The following ACTL6A variants were observed in gnomAD, a reference collection of about 807,000 sequenced individuals.
The protein encoded by ACTL6A is actin like 6A, also known as actin-like protein 6A.
ACTL6A carries 5 observed loss-of-function variants against 59.2 expected under a neutral mutation model. The ratio of observed to expected loss-of-function variants is 0.08; its 90% CI spans 0.04 to 0.18. ACTL6A has a LOEUF of 0.18. Among genes scored for constraint, ACTL6A ranks in the 10% least tolerant of loss-of-function variants. The probability of loss-of-function intolerance (pLI) is 1.00; values close to 1 mark genes in which losing one functional copy is unlikely to be tolerated. For missense variants in ACTL6A, 285 were observed against 526.9 expected, an observed-to-expected ratio of 0.54 and a Z score of 4.49; for synonymous variants, 154 against 171.8, an observed-to-expected ratio of 0.90 and a Z score of 0.81.
chr3:179,577,816 C>CTTT (rs539879595), intron 8 of ACTL6A, among the ~76,000 whole-genome samples: 1 of 137,944 alleles, frequency 7.2e-6, no homozygotes, highest in Non-Finnish European at 1.6e-5. Flanking sequence ...TGATCTCATT[C>CTTT]TTTTTTTTTT....
intron 13 of ACTL6A, among the ~76,000 whole-genome samples, chr3:179,587,194 A>G (rs1443560424): frequency 2.0e-5 from 3 of 151,874 alleles, no homozygotes; most frequent in African/African-American, 7.3e-5. Flanking sequence ...ATATATAGTT[A>G]CTTATGTATA....
At chr3:179,578,954 A>G (rs1718251680) in intron 8 of ACTL6A, among the ~76,000 whole-genome samples, 1 of 152,120 alleles carries the variant, frequency 6.6e-6, no homozygotes, top group African/African-American at 2.4e-5. Context: ...TTAGTTGGCC[A>G]GGCTGGTCTC....
At chr3:179,577,320 T>C (rs1013377758) in intron 8 of ACTL6A, among the ~76,000 whole-genome samples, 23 of 152,232 alleles carry the variant, frequency 1.5e-4, no homozygotes, top group African/African-American at 5.1e-4. Flanking sequence ...ATGTTCTGTT[T>C]CCCAGCATCA....
intron 8 of ACTL6A, among the ~76,000 whole-genome samples, chr3:179,580,140 A>G (rs1718289748): frequency 6.6e-6 from 1 of 152,250 alleles, no homozygotes. Context: ...AGGAAAAATT[A>G]GGATGATTAG....
chr3:179,574,334 T>G, intron 4 of ACTL6A, 36 bp from the exon 5 acceptor site: 1 of 1,371,514 alleles, frequency 7.3e-7, no homozygotes, highest in Non-Finnish European at 1.0e-6. Flanking sequence ...TTTTTAATTC[T>G]TAATAACTTG....
Position 179,586,677 on chromosome 3 carries a change from A to T in ACTL6A, c.1209+45A>T, listed in dbSNP as rs139641098. On this transcript the variant is annotated intron_variant, in intron 13 of 13. Transcript: ENST00000429709. The stretch of plus-strand genomic sequence containing the variant: ...TGCAAAAATATTCTTACTGAATTAT[A>T]CTAAATTTAGTAAAAATACAAAAAA... The T allele has an allele frequency of 2.7e-3, 3,855 of 1,424,432 alleles. 17 individuals carry two copies. The highest frequency in any genetic ancestry group is 8.8e-3 in the Middle Eastern group (50 of 5,682). 88.2% of individuals were successfully genotyped at this position (1,424,432 alleles called of 1,614,324 possible). A position where few individuals can be genotyped will look rare whatever the true frequency, so the allele number is the denominator to read the frequency against.
At chr3:179,569,335 C>T (rs1371721341) in intron 1 of ACTL6A, among the ~76,000 whole-genome samples, 1 of 152,192 alleles carries the variant, frequency 6.6e-6, no homozygotes, top group African/African-American at 2.4e-5. Flanking sequence ...CATTATAGTA[C>T]TGGGGTACTG....
chr3:179,588,074 A>C lies in ACTL6A; in HGVS notation c.*64A>C. 8.1e-7 allele frequency: 1 copy of C among 1,232,354 alleles called. No individual in the cohort carries two copies. The highest frequency in any genetic ancestry group is 1.1e-6 in the Non-Finnish European group (1 of 889,812). 76.3% of individuals were successfully genotyped at this position (1,232,354 alleles called of 1,614,324 possible). Reference sequence around the variant, plus strand: ...TACGTTTCATAGCTTTAGTATACTCAGGAAAAGAATGACCATCTTTTGTAG... The same window carrying C: ...TACGTTTCATAGCTTTAGTATACTCCGGAAAAGAATGACCATCTTTTGTAG... On this transcript the variant is annotated 3_prime_UTR_variant, in exon 14 of 14. Coordinates refer to ENST00000429709, the MANE Select transcript of ACTL6A (RefSeq NM_004301.5).
chr3:179,573,401 G>T lies in ACTL6A; in HGVS notation c.310G>T (p.Asp104Tyr). 1.3e-6 allele frequency: 2 copies of T among 1,591,054 alleles called. No homozygotes were observed. Among genetic ancestry groups the T allele is most frequent in the East Asian group, 2.3e-5 (1 of 43,302 alleles). ...EDWDSFQAIL[D>Y]HTYKMHVKSE... ...CTGGGATAGTTTCCAAGCTATTTTG[G>T]ATCATACCTACAAAATGCATGTCAA... The change falls in exon 4 of 14, where the codon GAT becomes TAT. Residue 104 changes from aspartate (D) to tyrosine (Y), a missense_variant. Coordinates refer to ENST00000429709, the MANE Select transcript of ACTL6A (RefSeq NM_004301.5).
Position 179,587,564 on chromosome 3 carries a change from G to C in ACTL6A, c.1210-366G>C, listed in dbSNP as rs536178912. 4.6e-5 allele frequency among the ~76,000 whole-genome samples: 7 copies of C among 152,008 alleles called. No homozygotes were observed. In the South Asian group the frequency reaches 1.2e-3, roughly 27 times the overall value. ...CTTAAATGAATTATTCAAAGTTTAG[G>C]AGTTACGAAAATAAGATATTAAAAA... On this transcript the variant is annotated intron_variant, in intron 13 of 13. Transcript: ENST00000429709.
chr3:179,570,394 A>G lies in ACTL6A; in HGVS notation c.277+153A>G. ...ACTGATTTCCAGACACTGAGAATAC[A>G]AAGATGCATAAGAAATGTTCCTTTT... is the stretch of plus-strand genomic sequence containing the variant. On this transcript the variant is annotated intron_variant, in intron 3 of 13. Coordinates refer to ENST00000429709, the MANE Select transcript of ACTL6A (RefSeq NM_004301.5). The surrounding 1 kb of genome is among the most constrained non-coding windows in gnomAD (Gnocchi z 4.3). 1.5e-6 allele frequency: 1 copy of G among 653,280 alleles called. No individual in the cohort carries two copies. The highest frequency in any genetic ancestry group is 2.5e-6 in the Non-Finnish European group (1 of 404,910). The allele number at this position is 653,280 out of a possible 1,614,324, so 40.5% of individuals were successfully genotyped here.
intron 13 of ACTL6A, among the ~76,000 whole-genome samples, chr3:179,587,706 T>G (rs1481121207): frequency 6.6e-6 from 1 of 151,982 alleles, no homozygotes. Context: ...TGAGACCCCA[T>G]CTCTACAACA....
intron 11 of ACTL6A, 109 bp downstream of exon 11, chr3:179,581,329 T>A: frequency 1.1e-6 from 1 of 902,984 alleles, no homozygotes; most frequent in Non-Finnish European, 1.8e-6. Flanking sequence ...TGTCATTGAC[T>A]TTGAGGTTCA....
At chr3:179,565,690 A>G (rs1259638654) in intron 1 of ACTL6A, among the ~76,000 whole-genome samples, 1 of 152,074 alleles carries the variant, frequency 6.6e-6, no homozygotes, top group Non-Finnish European at 1.5e-5. Flanking sequence ...ATTACCCAGT[A>G]AGTTAGTGTA....
intron 12 of ACTL6A, 74 bp from the exon 13 acceptor site, chr3:179,586,466 TGAAAAA>T: frequency 4.4e-6 from 3 of 678,700 alleles, no homozygotes; most frequent in South Asian, 2.6e-5. Context: ...TGTCTCTATT[TGAAAAA>T]AAAAAAAAAA....
intron 12 of ACTL6A, among the ~76,000 whole-genome samples, chr3:179,586,128 T>C (rs148343970): frequency 1.4e-4 from 21 of 152,346 alleles, no homozygotes; most frequent in Non-Finnish European, 2.2e-4. Flanking sequence ...AGGATAGAAA[T>C]TGTGAATGCT....
chr3:179,566,865 A>T (rs1336210414), intron 1 of ACTL6A, among the ~76,000 whole-genome samples: 2 of 151,862 alleles, frequency 1.3e-5, no homozygotes, highest in Non-Finnish European at 2.9e-5. Flanking sequence ...AATTTTTTGT[A>T]TTTTGGGTAG....
rs549757580 is a variant in ACTL6A, at chr3:179,575,123, A to G, written c.476+656A>G. On this transcript the variant is annotated intron_variant, in intron 5 of 13. Coordinates refer to ENST00000429709, the MANE Select transcript of ACTL6A (RefSeq NM_004301.5). Reference sequence around the variant, plus strand: ...CTCCCAAAGTGCTGGGATTACAGGCATGAGCCACCGTGCCCAGCCTCTAAT... The same window carrying G: ...CTCCCAAAGTGCTGGGATTACAGGCGTGAGCCACCGTGCCCAGCCTCTAAT... 1.7e-5 allele frequency: 5 copies of G among 291,514 alleles called. No individual in the cohort carries two copies. The East Asian group carries it at 4.9e-4, about 28-fold the overall frequency. 18.1% of individuals were successfully genotyped at this position (291,514 alleles called of 1,614,324 possible).
chr3:179,583,108 C>G (rs1410597422), intron 11 of ACTL6A, among the ~76,000 whole-genome samples: 1 of 152,128 alleles, frequency 6.6e-6, no homozygotes, highest in Admixed American at 6.5e-5. Flanking sequence ...TTGCCTGGAT[C>G]CCATCCCCAG....
Sources: allele counts gnomAD v4.1 joint callset (sites outside exome capture counted in the v4.1 genomes callset), GRCh38; gene constraint gnomAD v4.1.1; non-coding constraint Gnocchi (gnomAD v3.1); transcripts MANE v1.5; gene names NCBI Gene and HGNC (gene_info 2026-07-23, HGNC 2026-07-21).